TTN: variants seen among roughly 807,000 people sequenced by gnomAD.
The protein encoded by TTN is connectin.
In TTN, 1,525 loss-of-function variants were observed where a neutral mutation model predicts 3,223.0. The observed-to-expected ratio is 0.47, with a 90% confidence interval of 0.45 to 0.49. The LOEUF (loss-of-function observed/expected upper bound fraction) is 0.49, where lower values mean the gene tolerates loss of function less well. TTN is among the 20% of genes least tolerant of loss of function. TTN has a pLI of 0.00. For synonymous variants in TTN, 14,094 were observed against 15,161.0 expected (o/e 0.93, Z 5.17); for missense variants, 40,786 against 43,424.0 (o/e 0.94, Z 5.40).
In TTN at chr2:178,582,107, T is replaced by C. The variant is rs1559509011; in HGVS notation, c.66262A>G (p.Thr22088Ala). 1 of 1,613,000 alleles carries C rather than the reference T, an allele frequency of 6.2e-7. No homozygotes were observed. The highest frequency in any genetic ancestry group is 2.2e-5 in the East Asian group (1 of 44,786). ...PPADDGGSPI[T>A]GYLLEKRETQ... Reference sequence around the variant, plus strand: ...TCCCGCTTTTCAAGCAAATAGCCAGTGATGGGTGAGCCCCCATCATCTGCT... The same window carrying C: ...TCCCGCTTTTCAAGCAAATAGCCAGCGATGGGTGAGCCCCCATCATCTGCT... The change falls in exon 315 of 363, where the codon ACT becomes GCT. Residue 22088 changes from threonine to alanine, a missense_variant. Coordinates refer to ENST00000589042, the MANE Select transcript of TTN (RefSeq NM_001267550.2).
In TTN at chr2:178,614,665, G is replaced by A. The variant is rs768147224; in HGVS notation, c.48849C>T (p.Thr16283=). ...GTKIELPATV[T]GKPEPKITWT... Reference sequence around the variant, plus strand: ...AAGTTATTTTAGGTTCAGGTTTTCCGGTTACGGTGGCAGGAAGTTCAATCT... The same window carrying A: ...AAGTTATTTTAGGTTCAGGTTTTCCAGTTACGGTGGCAGGAAGTTCAATCT... The change falls in exon 261 of 363, where the codon ACC becomes ACT. Residue 16283 remains threonine, a synonymous_variant. Coordinates refer to ENST00000589042, the MANE Select transcript of TTN (RefSeq NM_001267550.2). 15 of 1,612,136 alleles carry A rather than the reference G, an allele frequency of 9.3e-6. No individual in the cohort carries two copies. Among genetic ancestry groups the A allele is most frequent in the Middle Eastern group, 1.6e-4 (1 of 6,068 alleles).
In TTN at chr2:178,543,438, C is replaced by T. The variant is rs727505082; in HGVS notation, c.96535G>A (p.Val32179Met). The change falls in exon 347 of 363, where the codon GTG (valine) becomes ATG (methionine). Residue 32179 changes from valine (V) to methionine (M), a missense_variant. Val to Met is a conservative substitution (Grantham distance 21). Coordinates refer to ENST00000589042, the MANE Select transcript of TTN (RefSeq NM_001267550.2). ...LVEGTMYYFR[V>M]LPENIYGIGE... ...ATGCCATAAATATTTTCTGGCAGCA[C>T]TCTGAAATAGTACATGGTTCCTTCT... 15 of 1,613,790 alleles carry T rather than the reference C, an allele frequency of 9.3e-6. No individual in the cohort carries two copies. Among genetic ancestry groups the T allele is most frequent in the Non-Finnish European group, 1.3e-5 (15 of 1,179,770 alleles).
chr2:178,680,458 C>G (rs551193846), intron 138 of TTN, 127 bp from the exon 139 acceptor site: 14 of 785,748 alleles, frequency 1.8e-5, no homozygotes, highest in Admixed American at 5.2e-5. Flanking sequence ...TGCGATTGTT[C>G]ATCTTTAAGA....
At chr2:178,747,311 G>A in intron 47 of TTN, 2 of 1,613,362 alleles carry the variant, frequency 1.2e-6, no homozygotes, top group Non-Finnish European at 1.7e-6. Flanking sequence ...CCCTAAAGGT[G>A]TGGAATATCT....
In TTN at chr2:178,618,236, C is replaced by G. The variant is rs779498799; in HGVS notation, c.47222G>C (p.Gly15741Ala). ...RVSARNRVGT[G>A]EPVETDNPVE... ...AGGATTGTCAGTTTCTACTGGCTCA[C>G]CAGTGCCAACTCTGTTTCTTGCACT... Residue 15741 changes from glycine (G) to alanine (A), a missense_variant, in exon 252 of 363, where the codon GGT becomes GCT. Transcript: ENST00000589042. 4 of 1,612,824 alleles carry G rather than the reference C, an allele frequency of 2.5e-6. No individual in the cohort carries two copies. The South Asian group carries it at 3.3e-5, about 13-fold the overall frequency.
intron 209 of TTN, among the ~76,000 whole-genome samples, 189 bp from the exon 210 acceptor site, chr2:178,650,460 A>G (rs919951205): frequency 6.6e-6 from 1 of 152,096 alleles, no homozygotes; most frequent in African/African-American, 2.4e-5. Flanking sequence ...AATGCTTGCA[A>G]AGCCCTTTTA....
At chr2:178,698,155 T>A (rs574749630) in intron 112 of TTN, among the ~76,000 whole-genome samples, 25 of 152,206 alleles carry the variant, frequency 1.6e-4, no homozygotes, top group Non-Finnish European at 3.4e-4. Flanking sequence ...AGACAAAGAC[T>A]GTAAGTTCTC....
At chr2:178,725,670 G>A (rs2079218159) in intron 70 of TTN, 21 bp from the exon 71 acceptor site, 1 of 1,553,942 alleles carries the variant, frequency 6.4e-7, no homozygotes, top group Admixed American at 1.9e-5. Context: ...AAAGATGGAT[G>A]GAAATTGTTG....
chr2:178,630,975 A>G, intron 237 of TTN, 32 bp from the exon 238 acceptor site: 4 of 1,611,790 alleles, frequency 2.5e-6, no homozygotes, highest in Non-Finnish European at 3.4e-6. Flanking sequence ...ATGGGTCATT[A>G]GCCTCTGGCA....
chr2:178,773,208 T>G lies in TTN; in HGVS notation c.7756A>C (p.Ile2586Leu). 6.2e-7 allele frequency: 1 copy of G among 1,613,820 alleles called. No homozygotes were observed. Among genetic ancestry groups the G allele is most frequent in the South Asian group, 1.1e-5 (1 of 91,040 alleles). ...ATATTTAGAACTGTCAATTTATATA[T>G]TTTTCCATGTGCTTCAATTTTATAT... ...SKYKIEAHGK[I>L]YKLTVLNMMK... is the part of the protein sequence containing the mutation. Residue 2586 changes from isoleucine to leucine, a missense_variant, in exon 33 of 363, where the codon ATA (isoleucine) becomes CTA (leucine). Coordinates refer to ENST00000589042, the MANE Select transcript of TTN (RefSeq NM_001267550.2).
chr2:178,551,941 T>C lies in TTN; in HGVS notation c.90959A>G (p.His30320Arg), dbSNP rs1244743041. ...PLVSSIIVAKHQFRIPGPPGK... is the reference protein window; with the variant it reads ...PLVSSIIVAKRQFRIPGPPGK... ...TGGGGGACCAGGAATCCTGAACTGG[T>C]GTTTTGCCACAATAATGCTTGAGAC... The change falls in exon 335 of 363, where the codon CAC becomes CGC. Residue 30320 changes from histidine (H) to arginine (R), a missense_variant. Transcript: ENST00000589042. 6.2e-6 allele frequency: 10 copies of C among 1,613,116 alleles called. No individual in the cohort carries two copies. Among genetic ancestry groups the C allele is most frequent in the African/African-American group, 2.7e-5 (2 of 74,912 alleles).
intron 29 of TTN, 74 bp downstream of exon 29, chr2:178,774,847 A>G (rs2092014535): frequency 2.6e-6 from 4 of 1,549,922 alleles, no homozygotes; most frequent in Non-Finnish European, 2.6e-6. Context: ...GAAAAATTGC[A>G]TAGCTAATTT....
In TTN at chr2:178,565,260, C is replaced by A; in HGVS notation, c.80872G>T (p.Ala26958Ser). 6.2e-7 allele frequency: 1 copy of A among 1,613,652 alleles called. No individual in the cohort carries two copies. Among genetic ancestry groups the A allele is most frequent in the Non-Finnish European group, 8.5e-7 (1 of 1,179,700 alleles). The change falls in exon 326 of 363, where the codon GCA becomes TCA. Residue 26958 changes from alanine (A) to serine (S), a missense_variant. Coordinates refer to ENST00000589042, the MANE Select transcript of TTN (RefSeq NM_001267550.2). ...CTGAGATTTTCTGTTGCTGTGCCTGCACTATTTGTTGCCGTTACGGTGTAT... is the reference window on the plus strand; with the variant it reads ...CTGAGATTTTCTGTTGCTGTGCCTGAACTATTTGTTGCCGTTACGGTGTAT... The part of the protein sequence containing the change: ...GKYTVTATNS[A>S]GTATENLSVI...
intron 47 of TTN, chr2:178,747,014 G>A (rs201916135): frequency 2.5e-6 from 4 of 1,613,400 alleles, no homozygotes; most frequent in Admixed American, 1.7e-5. Flanking sequence ...TGTTTTAAAA[G>A]TACCAGTGGG....
rs765618021 is a variant in TTN, at chr2:178,746,315, CTTGAATCCATAT to C, written c.11312-4406_11312-4395del. The C allele has an allele frequency of 2.2e-5, 35 of 1,612,594 alleles. No homozygotes were observed. In the African/African-American group the frequency reaches 4.4e-4, roughly 20 times the overall value. ...TTTTAGTTCTTTGTCTTCTCCCTCC[CTTGAATCCATAT>C]TTGGATCTACAAAATTAAATGGAAG... is the stretch of plus-strand genomic sequence containing the variant. On this transcript the variant is annotated intron_variant, in intron 47 of 362. Transcript: ENST00000589042.
At position 178,565,096 on chromosome 2, in the gene TTN, C is replaced by A. The variant is rs550999055; in HGVS notation, c.81036G>T (p.Lys27012Asn). Reference sequence around the variant, plus strand: ...GCCAAGTGGTGGTGGTTGTATCTCGCTTCTCTACAATGTAGTTGCTTATTT... The same window carrying A: ...GCCAAGTGGTGGTGGTTGTATCTCGATTCTCTACAATGTAGTTGCTTATTT... ...GCQISNYIVE[K>N]RDTTTTTWHM... The change falls in exon 326 of 363, where the codon AAG becomes AAT. Residue 27012 changes from lysine to asparagine, a missense_variant. Coordinates refer to ENST00000589042, the MANE Select transcript of TTN (RefSeq NM_001267550.2). The A allele has an allele frequency of 9.6e-5, 155 of 1,613,538 alleles. 2 individuals are homozygous for A. The South Asian group carries it at 1.6e-3, about 17-fold the overall frequency.
intron 152 of TTN, 35 bp from the exon 153 acceptor site, chr2:178,672,738 A>G: frequency 1.3e-6 from 2 of 1,524,366 alleles, no homozygotes; most frequent in Non-Finnish European, 1.8e-6. Flanking sequence ...TTAGCTGAGA[A>G]TGTTCAATAA....
chr2:178,554,344 G>T, intron 332 of TTN, 109 bp downstream of exon 332: 1 of 1,420,016 alleles, frequency 7.0e-7, no homozygotes, highest in Non-Finnish European at 9.6e-7. Flanking sequence ...TGAAAAGGAT[G>T]GTAATGAGAC....
At chr2:178,664,235 T>C in intron 168 of TTN, 137 bp from the exon 169 acceptor site, 1 of 929,336 alleles carries the variant, frequency 1.1e-6, no homozygotes, top group South Asian at 1.8e-5. Flanking sequence ...TAATAGGTGG[T>C]GTTTCAGGTT....
Sources: gnomAD v4.1 joint callset for allele counts (sites outside exome capture counted in the v4.1 genomes callset) on GRCh38, gnomAD v4.1.1 for gene constraint, MANE v1.5 for transcripts, NCBI Gene and HGNC (gene_info 2026-07-23, HGNC 2026-07-21) for gene names.